The following ZNF407 variants were observed in gnomAD, a reference collection of about 807,000 sequenced individuals.
The protein encoded by ZNF407 is zinc finger protein 407.
Under a neutral mutation model 131.2 loss-of-function variants are expected in ZNF407, and 17 were observed. The observed-to-expected ratio is 0.13, with a 90% CI of 0.09 to 0.19. ZNF407 has a LOEUF of 0.19. ZNF407 is among the 10% of genes least tolerant of loss of function. The pLI, the probability that ZNF407 is intolerant of heterozygous loss-of-function variation, is 1.00. For synonymous variants in ZNF407, 1,156 were observed against 1,062.0 expected (o/e 1.09, Z -1.72); for missense variants, 2,681 against 2,830.6 (o/e 0.95, Z 1.20).
chr18:74,799,022 A>G (rs578229425), intron 4 of ZNF407, among the ~76,000 whole-genome samples: 1 of 152,206 alleles, frequency 6.6e-6, no homozygotes, highest in South Asian at 2.1e-4. Context: ...TCAAATCATA[A>G]TGATAATTTG....
At chr18:74,842,533 G>A (rs989323435) in intron 4 of ZNF407, among the ~76,000 whole-genome samples, 2 of 151,692 alleles carry the variant, frequency 1.3e-5, no homozygotes, top group African/African-American at 4.8e-5. Flanking sequence ...ATTGTTCCTT[G>A]TTAGGTCATT....
At chr18:74,700,546 C>T (rs1443166968) in intron 3 of ZNF407, among the ~76,000 whole-genome samples, 1 of 152,186 alleles carries the variant, frequency 6.6e-6, no homozygotes, top group African/African-American at 2.4e-5. Flanking sequence ...CCTCAGTTCT[C>T]TCTCCCTTGA....
intron 4 of ZNF407, among the ~76,000 whole-genome samples, chr18:74,841,642 G>A (rs771761038): frequency 2.0e-4 from 30 of 152,336 alleles, no homozygotes; most frequent in Admixed American, 3.9e-4. Context: ...TGTTGCTAAT[G>A]ATGTTAATTG....
chr18:74,840,821 C>G (rs1970621792), intron 4 of ZNF407, among the ~76,000 whole-genome samples: 1 of 152,226 alleles, frequency 6.6e-6, no homozygotes, highest in African/African-American at 2.4e-5. Context: ...TTTATAGCTT[C>G]TCATCACTAC....
chr18:74,924,329 A>C (rs890970401), intron 8 of ZNF407, among the ~76,000 whole-genome samples: 2 of 149,990 alleles, frequency 1.3e-5, no homozygotes, highest in Non-Finnish European at 3.0e-5. Context: ...TATATACTTA[A>C]AAAAAAAAAC....
chr18:74,934,676 C>G (rs556523338), intron 8 of ZNF407, among the ~76,000 whole-genome samples: 1 of 152,146 alleles, frequency 6.6e-6, no homozygotes, highest in Non-Finnish European at 1.5e-5. Context: ...CATGGTGGCG[C>G]GTGCCTGTAA....
intron 4 of ZNF407, among the ~76,000 whole-genome samples, chr18:74,843,280 A>C (rs1191030383): frequency 6.6e-6 from 1 of 152,180 alleles, no homozygotes; most frequent in African/African-American, 2.4e-5. Context: ...TATTTATATA[A>C]ATAAAACATA....
chr18:74,904,058 C>T (rs998040848), intron 7 of ZNF407, among the ~76,000 whole-genome samples: 3 of 152,190 alleles, frequency 2.0e-5, no homozygotes, highest in Non-Finnish European at 2.9e-5. Context: ...GCCATGAAGG[C>T]CCTTTCCCCA....
At chr18:74,983,527 G>T (rs1348307230) in intron 8 of ZNF407, among the ~76,000 whole-genome samples, 1 of 152,180 alleles carries the variant, frequency 6.6e-6, no homozygotes, top group Non-Finnish European at 1.5e-5. Context: ...TTAGTGGCTA[G>T]TATTGTTGCT....
intron 3 of ZNF407, among the ~76,000 whole-genome samples, chr18:74,756,401 A>G (rs559340579): frequency 1.3e-5 from 2 of 152,280 alleles, no homozygotes; most frequent in East Asian, 1.9e-4. Context: ...TTCTGAGTCA[A>G]TTTGGAAAGT....
intron 8 of ZNF407, among the ~76,000 whole-genome samples, chr18:74,966,775 T>TTTTTCCA (rs1473560621): frequency 3.3e-5 from 5 of 152,228 alleles, no homozygotes; most frequent in Non-Finnish European, 7.3e-5. Flanking sequence ...ACAATATTGA[T>TTTTTCCA]TTTTCCAATC....
chr18:74,631,583 C>T lies in ZNF407; in HGVS notation c.564C>T (p.Cys188=), dbSNP rs749243000. 6.8e-6 allele frequency: 11 copies of T among 1,613,624 alleles called. No individual in the cohort carries two copies. The highest frequency in any genetic ancestry group is 1.7e-6 in the Non-Finnish European group (2 of 1,179,914). The change falls in exon 2 of 9, where the codon TGC becomes TGT. Residue 188 remains cysteine (C), a synonymous_variant. Coordinates refer to ENST00000299687, the MANE Select transcript of ZNF407 (RefSeq NM_017757.3). ...GGAATGTAGATACAGTTCTCAAATGCAGCATCTGTGGGCATTTGTTTTCTT... is the reference window on the plus strand; with the variant it reads ...GGAATGTAGATACAGTTCTCAAATGTAGCATCTGTGGGCATTTGTTTTCTT... ...TIGNVDTVLK[C]SICGHLFSSC... is the part of the protein sequence containing the mutation.
intron 8 of ZNF407, among the ~76,000 whole-genome samples, chr18:75,013,416 C>T (rs566516716): frequency 3.9e-5 from 6 of 152,204 alleles, no homozygotes; most frequent in Non-Finnish European, 8.8e-5. Flanking sequence ...TCTCTACTTA[C>T]TTGGGGCACA....
At chr18:74,603,116 A>G (rs1260019441) in intron 1 of ZNF407, among the ~76,000 whole-genome samples, 3 of 152,190 alleles carry the variant, frequency 2.0e-5, no homozygotes, top group African/African-American at 4.8e-5. Flanking sequence ...TTGTAAGGGC[A>G]TTGGGGAGCC....
intron 3 of ZNF407, among the ~76,000 whole-genome samples, chr18:74,679,035 A>C (rs1450202216): frequency 6.6e-6 from 1 of 151,924 alleles, no homozygotes; most frequent in Non-Finnish European, 1.5e-5. Flanking sequence ...TGATGGGTAG[A>C]GTAGGAGATG....
intron 1 of ZNF407, among the ~76,000 whole-genome samples, chr18:74,622,469 T>C (rs967061807): frequency 7.0e-6 from 1 of 143,244 alleles, no homozygotes; most frequent in African/African-American, 2.6e-5. Flanking sequence ...CCAGTTCTGC[T>C]GGAGGGCGGT....
intron 8 of ZNF407, among the ~76,000 whole-genome samples, chr18:74,939,898 A>G (rs1349725325): frequency 6.6e-6 from 1 of 152,204 alleles, no homozygotes; most frequent in African/African-American, 2.4e-5. Flanking sequence ...TTTTGAACCA[A>G]TTCTGACACT....
At chr18:74,976,652 G>A (rs956946405) in intron 8 of ZNF407, among the ~76,000 whole-genome samples, 26 of 152,196 alleles carry the variant, frequency 1.7e-4, no homozygotes, top group African/African-American at 3.4e-4. Flanking sequence ...GATGTCTGCC[G>A]AGTATGAAAT....
chr18:74,872,676 GA>G (rs1971103856), intron 4 of ZNF407, among the ~76,000 whole-genome samples: 1 of 149,988 alleles, frequency 6.7e-6, no homozygotes. Flanking sequence ...GGAATCGCTT[GA>G]ACTGGGAGGC....
Sources: gnomAD v4.1 joint callset for allele counts (sites outside exome capture counted in the v4.1 genomes callset) on GRCh38, gnomAD v4.1.1 for gene constraint, MANE v1.5 for transcripts, NCBI Gene and HGNC (gene_info 2026-07-23, HGNC 2026-07-21) for gene names.